Variants in SORCS3 observed in about 807,000 individuals in gnomAD.
The protein encoded by SORCS3 is sortilin related VPS10 domain containing receptor 3.
SORCS3 carries 57 observed loss-of-function variants against 146.3 expected under a neutral mutation model. That is an observed-to-expected ratio of 0.39 (90% CI 0.31 to 0.49). The LOEUF is 0.49. Ranked by LOEUF, SORCS3 falls within the 20% of genes least tolerant of loss-of-function variation. SORCS3 has a pLI of 0.92. For synonymous variants in SORCS3, 653 were observed against 618.5 expected, an observed-to-expected ratio of 1.06 and a Z score of -0.83; for missense variants, 1,341 against 1,575.5, an observed-to-expected ratio of 0.85 and a Z score of 2.52.
chr10:105,063,468 C>G (rs1245070887), intron 5 of SORCS3, among the ~76,000 whole-genome samples: 2 of 152,210 alleles, frequency 1.3e-5, no homozygotes, highest in Non-Finnish European at 2.9e-5. Flanking sequence ...TCCTGTTATT[C>G]CCAGCCATCC....
At chr10:105,253,387 G>A (rs1332695449) in intron 23 of SORCS3, among the ~76,000 whole-genome samples, 3 of 152,204 alleles carry the variant, frequency 2.0e-5, no homozygotes, top group Non-Finnish European at 4.4e-5. Flanking sequence ...TTTGGAGAGG[G>A]ATGTATTGCC....
At chr10:104,855,731 A>ATGTGTGTGTG (rs142974541) in intron 2 of SORCS3, among the ~76,000 whole-genome samples, 113 of 149,164 alleles carry the variant, frequency 7.6e-4, no homozygotes, top group Admixed American at 2.4e-3. Context: ...GTGTGTGTGT[A>ATGTGTGTGTG]TGTGTGTGTG....
At chr10:105,164,155 T>G in intron 11 of SORCS3, 148 bp from the exon 12 acceptor site, 1 of 637,956 alleles carries the variant, frequency 1.6e-6, no homozygotes. Context: ...CCTGCTGGGC[T>G]TTTGATATGA....
intron 2 of SORCS3, among the ~76,000 whole-genome samples, chr10:104,848,345 G>A (rs897389710): frequency 6.6e-6 from 1 of 151,960 alleles, no homozygotes; most frequent in Admixed American, 6.6e-5. Context: ...AATAGAAAAT[G>A]GAGACCTTTT....
intron 3 of SORCS3, among the ~76,000 whole-genome samples, chr10:104,966,340 T>C (rs1357748548): frequency 1.3e-5 from 2 of 152,316 alleles, no homozygotes; most frequent in Non-Finnish European, 2.9e-5. Context: ...TTCAACAACT[T>C]ATCAATTATA....
intron 2 of SORCS3, among the ~76,000 whole-genome samples, chr10:104,887,079 T>A (rs1183589716): frequency 6.6e-6 from 1 of 152,256 alleles, no homozygotes; most frequent in East Asian, 1.9e-4. Context: ...GTGTCTCTTT[T>A]ACATGGATTT....
chr10:105,008,796 G>A (rs188657368), intron 4 of SORCS3, among the ~76,000 whole-genome samples: 62 of 152,226 alleles, frequency 4.1e-4, no homozygotes, highest in African/African-American at 1.5e-3. Context: ...ACAGGCATAT[G>A]CCATCACTGC....
chr10:105,183,115 G>T (rs991267015), intron 14 of SORCS3, among the ~76,000 whole-genome samples: 1 of 152,222 alleles, frequency 6.6e-6, no homozygotes, highest in Non-Finnish European at 1.5e-5. Context: ...GACATTCCTG[G>T]TGGGTGGAAC....
At chr10:105,104,436 C>T (rs2055807357) in intron 6 of SORCS3, among the ~76,000 whole-genome samples, 1 of 152,082 alleles carries the variant, frequency 6.6e-6, no homozygotes, top group Non-Finnish European at 1.5e-5. Context: ...AATCAGAAAG[C>T]CTTTTGGAGC....
At position 105,223,178 on chromosome 10, in the gene SORCS3, A is replaced by G. The variant is rs376608965; in HGVS notation, c.2797A>G (p.Ile933Val). ...TGCCATAAGAAATAAGGAGGTCAAC[A>G]TCAGTGCAGTCGTGTGGCCCAGTCA... ...FVAIRNKEVN[I>V]SAVVWPSQLG... Residue 933 changes from isoleucine to valine, a missense_variant, in exon 20 of 27, where the codon ATC becomes GTC. Transcript: ENST00000369701. 72 of 1,613,380 alleles carry G rather than the reference A, an allele frequency of 4.5e-5. No individual in the cohort carries two copies. The African/African-American group carries it at 8.7e-4, about 19-fold the overall frequency.
intron 1 of SORCS3, among the ~76,000 whole-genome samples, chr10:104,828,672 A>G: frequency 6.6e-6 from 1 of 152,196 alleles, no homozygotes; most frequent in East Asian, 1.9e-4. Flanking sequence ...GAAAAATTAA[A>G]AAGAAAACCA....
chr10:105,195,380 C>G (rs1166926250), intron 14 of SORCS3, among the ~76,000 whole-genome samples: 1 of 152,166 alleles, frequency 6.6e-6, no homozygotes, highest in Non-Finnish European at 1.5e-5. Flanking sequence ...CAGTGTTCAT[C>G]ACTCCAAAGT....
At chr10:105,153,305 T>A (rs2056180698) in intron 9 of SORCS3, among the ~76,000 whole-genome samples, 2 of 152,214 alleles carry the variant, frequency 1.3e-5, no homozygotes, top group African/African-American at 4.8e-5. Flanking sequence ...CTTCTGTTTC[T>A]GAGCAGCATT....
chr10:105,201,372 G>A, intron 16 of SORCS3, 119 bp downstream of exon 16: 7 of 1,244,592 alleles, frequency 5.6e-6, no homozygotes, highest in Non-Finnish European at 7.7e-6. Context: ...AGGTGTATCT[G>A]CTGGCCTGTG....
Position 105,237,289 on chromosome 10 carries a change from T to C in SORCS3, c.2869-8253T>C, listed in dbSNP as rs557467652. ...AGTCAAACCATTTAATTTCTTTGAGTCTCAGTTTTATTGTTGGTAATGTCT... is the reference window on the plus strand; with the variant it reads ...AGTCAAACCATTTAATTTCTTTGAGCCTCAGTTTTATTGTTGGTAATGTCT... On this transcript the variant is annotated intron_variant, in intron 20 of 26. Coordinates refer to ENST00000369701, the MANE Select transcript of SORCS3 (RefSeq NM_014978.3). Among the ~76,000 whole-genome samples the C allele has an allele frequency of 7.2e-5, 11 of 152,254 alleles. No individual in the cohort carries two copies. The South Asian group carries it at 1.9e-3, about 26-fold the overall frequency.
chr10:105,206,389 T>C (rs2056602757), intron 16 of SORCS3, among the ~76,000 whole-genome samples: 2 of 152,192 alleles, frequency 1.3e-5, no homozygotes, highest in South Asian at 4.1e-4. Context: ...TATAAAATAT[T>C]TCTCTTATCA....
chr10:104,671,283 TTTA>T (rs2015848928), intron 1 of SORCS3, among the ~76,000 whole-genome samples: 1 of 150,556 alleles, frequency 6.6e-6, no homozygotes, highest in South Asian at 2.1e-4. Context: ...TGTGTTTTTT[TTTA>T]TATGGCTCCT....
chr10:105,139,866 G>A (rs2056083668), intron 8 of SORCS3, among the ~76,000 whole-genome samples: 1 of 152,160 alleles, frequency 6.6e-6, no homozygotes, highest in Admixed American at 6.5e-5. Flanking sequence ...AAAGTGCACA[G>A]ATAAGTCTGG....
intron 1 of SORCS3, among the ~76,000 whole-genome samples, chr10:104,776,681 C>G (rs1426165888): frequency 6.6e-6 from 1 of 151,886 alleles, no homozygotes; most frequent in Non-Finnish European, 1.5e-5. Context: ...TCCAGACATA[C>G]TGCATGGCCC....
Sources: allele counts gnomAD v4.1 joint callset (sites outside exome capture counted in the v4.1 genomes callset), GRCh38; gene constraint gnomAD v4.1.1; transcripts MANE v1.5; gene names NCBI Gene and HGNC (gene_info 2026-07-23, HGNC 2026-07-21).